Variants in THSD4 observed in about 807,000 individuals in gnomAD.
THSD4 encodes the protein thrombospondin type 1 domain containing 4.
Under a neutral mutation model 119.0 loss-of-function variants are expected in THSD4, and 69 were observed. The ratio of observed to expected loss-of-function variants is 0.58; its 90% CI spans 0.48 to 0.71. The LOEUF (loss-of-function observed/expected upper bound fraction) is 0.71. Ranked by LOEUF, THSD4 falls within the 30% of genes least tolerant of loss-of-function variation. The pLI is 0.00. For synonymous variants in THSD4, 524 were observed against 540.4 expected (o/e 0.97, Z 0.42); for missense variants, 1,393 against 1,391.1 (o/e 1.00, Z -0.02).
At chr15:71,585,440 A>G (rs1266282437) in intron 7 of THSD4, among the ~76,000 whole-genome samples, 1 of 152,188 alleles carries the variant, frequency 6.6e-6, no homozygotes, top group Non-Finnish European at 1.5e-5. Flanking sequence ...CAAGAAATCC[A>G]CTTATAATCT....
intron 6 of THSD4, among the ~76,000 whole-genome samples, chr15:71,340,666 T>C (rs1422125335): frequency 6.7e-6 from 1 of 150,086 alleles, no homozygotes; most frequent in Admixed American, 6.7e-5. Flanking sequence ...AGTGCAATGG[T>C]GCAATCTCTG....
chr15:71,099,844 G>A (rs2040246906), intron 1 of THSD4, among the ~76,000 whole-genome samples: 1 of 152,056 alleles, frequency 6.6e-6, no homozygotes, highest in African/African-American at 2.4e-5. Flanking sequence ...ACACACCTGT[G>A]GTTCCATTGG....
intron 6 of THSD4, among the ~76,000 whole-genome samples, chr15:71,268,754 A>G (rs2044494451): frequency 6.6e-6 from 1 of 152,110 alleles, no homozygotes. Context: ...GATGAATCAA[A>G]CAGACACAAT....
At chr15:71,365,790 C>T (rs570247909) in intron 6 of THSD4, among the ~76,000 whole-genome samples, 18 of 152,254 alleles carry the variant, frequency 1.2e-4, no homozygotes, top group Admixed American at 4.6e-4. Flanking sequence ...AGTTATTTCA[C>T]TGTTCTTGGT....
intron 7 of THSD4, among the ~76,000 whole-genome samples, chr15:71,591,096 G>A (rs2049793557): frequency 6.8e-6 from 1 of 147,344 alleles, no homozygotes; most frequent in Non-Finnish European, 1.5e-5. Flanking sequence ...TAACAGTAAT[G>A]ACAATATCTT....
chr15:71,773,200 C>CAAAAAAAAAAAAAA (rs5813665), intron 17 of THSD4, among the ~76,000 whole-genome samples: 31 of 53,902 alleles, frequency 5.8e-4, no homozygotes, highest in Non-Finnish European at 9.2e-4. Flanking sequence ...GACCATGTCT[C>CAAAAAAAAAAAAAA]AAAAAAAAAA....
chr15:71,272,690 G>A (rs1178025511), intron 6 of THSD4, among the ~76,000 whole-genome samples: 4 of 151,918 alleles, frequency 2.6e-5, no homozygotes, highest in South Asian at 2.1e-4. Flanking sequence ...GTGAAGCCCC[G>A]TCTCTAGTGA....
chr15:71,322,755 G>A (rs1317996648), intron 6 of THSD4, among the ~76,000 whole-genome samples: 5 of 152,090 alleles, frequency 3.3e-5, no homozygotes, highest in Non-Finnish European at 2.9e-5. Context: ...GGCTGCTTGA[G>A]TGTCCTCCTG....
In THSD4 at chr15:71,503,321, G is replaced by A. The variant is rs572205225; in HGVS notation, c.1152+91498G>A. Among the ~76,000 whole-genome samples, 4 of 152,298 alleles carry A rather than the reference G, an allele frequency of 2.6e-5. No homozygotes were observed. In the East Asian group the frequency reaches 7.7e-4, roughly 29 times the overall value. ...GAGGGTGGTTGGGAAGAAGGTCAGA[G>A]GGGTAGGTAGGCATCAGAGCACAGC... On this transcript the variant is annotated intron_variant, in intron 7 of 17. Transcript: ENST00000261862.
chr15:71,733,874 C>T (rs1457785631), intron 10 of THSD4: 1 of 143,764 alleles, frequency 7.0e-6, no homozygotes, highest in African/African-American at 2.7e-5. Flanking sequence ...GAGCCTCCTG[C>T]ACTCCAGCCT....
At position 71,123,846 on chromosome 15, in the gene THSD4, A is replaced by T. The variant is rs552319479; in HGVS notation, c.-80+8148A>T. The stretch of plus-strand genomic sequence containing the variant: ...GGTATTCAGATCTCTCATAATTCAG[A>T]CTTTTCCCCCTACAGAATAAATGTG... On this transcript the variant is annotated intron_variant, in intron 1 of 17. Coordinates refer to ENST00000261862, the MANE Select transcript of THSD4 (RefSeq NM_024817.3). 1.3e-4 allele frequency among the ~76,000 whole-genome samples: 20 copies of T among 152,362 alleles called. No homozygotes were observed. The South Asian group carries it at 3.9e-3, about 30-fold the overall frequency.
At position 71,732,806 on chromosome 15, in the gene THSD4, C is replaced by T. The variant is rs953154417; in HGVS notation, c.1630+1589C>T. ...TATATCACTGAGAGGTTACTTGGTCCAATCCCTACCCTAGGAGGAAATAAA... is the reference window on the plus strand; with the variant it reads ...TATATCACTGAGAGGTTACTTGGTCTAATCCCTACCCTAGGAGGAAATAAA... On this transcript the variant is annotated intron_variant, in intron 10 of 17. Coordinates refer to ENST00000261862, the MANE Select transcript of THSD4 (RefSeq NM_024817.3). The T allele has an allele frequency of 5.3e-5, 8 of 152,158 alleles. No individual in the cohort carries two copies. The East Asian group carries it at 1.5e-3, about 29-fold the overall frequency. 9.4% of individuals were successfully genotyped at this position (152,158 alleles called of 1,614,324 possible).
At chr15:71,263,460 G>T (rs145127377) in intron 6 of THSD4, among the ~76,000 whole-genome samples, 1 of 151,996 alleles carries the variant, frequency 6.6e-6, no homozygotes, top group African/African-American at 2.4e-5. Context: ...CATAATGCAT[G>T]CATGTGTCTT....
At position 71,481,176 on chromosome 15, in the gene THSD4, C is replaced by T. The variant is rs576770241; in HGVS notation, c.1152+69353C>T. On this transcript the variant is annotated intron_variant, in intron 7 of 17. Transcript: ENST00000261862. ...AGCTCTAAAAAGTGAAAAATTCTCA[C>T]ATTAAATGTAACATTTAGACTCTGT... is the stretch of plus-strand genomic sequence containing the variant. 6.3e-4 allele frequency among the ~76,000 whole-genome samples: 96 copies of T among 152,204 alleles called. 1 individual carries two copies. The highest frequency in any genetic ancestry group is 2.2e-3 in the African/African-American group (90 of 41,552).
chr15:71,315,429 C>T (rs2045173038), intron 6 of THSD4, among the ~76,000 whole-genome samples: 2 of 152,172 alleles, frequency 1.3e-5, no homozygotes, highest in South Asian at 4.1e-4. Context: ...TATTTCAAAG[C>T]CTGCATGACA....
intron 7 of THSD4, among the ~76,000 whole-genome samples, chr15:71,478,253 G>A (rs1025211265): frequency 6.6e-6 from 1 of 152,138 alleles, no homozygotes. Flanking sequence ...ATATAAGCAG[G>A]TATAAAAATA....
In THSD4 at chr15:71,521,986, A is replaced by C. The variant is rs114708377; in HGVS notation, c.1152+110163A>C. ...CAGTCTGTGTCCCTTTGTGTAAAAA[A>C]TTCCTTGAAAGTTAGAGCCCTAATG... On this transcript the variant is annotated intron_variant, in intron 7 of 17. Transcript: ENST00000261862. 5.4e-3 allele frequency among the ~76,000 whole-genome samples: 822 copies of C among 152,338 alleles called. 11 individuals carry two copies. The highest frequency in any genetic ancestry group is 0.019 in the African/African-American group (774 of 41,578).
intron 7 of THSD4, among the ~76,000 whole-genome samples, chr15:71,654,349 G>A (rs1003090775): frequency 9.2e-5 from 14 of 152,182 alleles, no homozygotes; most frequent in African/African-American, 7.2e-5. Flanking sequence ...AGGCATAAGT[G>A]TTAGAAGATT....
intron 8 of THSD4, among the ~76,000 whole-genome samples, chr15:71,661,027 C>T (rs947406091): frequency 6.6e-6 from 1 of 152,222 alleles, no homozygotes; most frequent in Admixed American, 6.5e-5. Flanking sequence ...CAAATTATTG[C>T]TCTGAGATGG....
Sources: gnomAD v4.1 joint callset for allele counts (sites outside exome capture counted in the v4.1 genomes callset) on GRCh38, gnomAD v4.1.1 for gene constraint, MANE v1.5 for transcripts, NCBI Gene and HGNC (gene_info 2026-07-23, HGNC 2026-07-21) for gene names.